Variants in ERBB4 observed in about 807,000 individuals in gnomAD.
ERBB4 encodes the protein erb-b2 receptor tyrosine kinase 4.
ERBB4 carries 42 observed loss-of-function variants against 158.0 expected under a neutral mutation model. The observed-to-expected ratio is 0.27, with a 90% CI of 0.21 to 0.34. ERBB4 has a LOEUF of 0.34. Ranked by LOEUF, ERBB4 falls within the 10% of genes least tolerant of loss-of-function variation. The pLI is 1.00. For synonymous variants in ERBB4, 583 were observed against 558.7 expected (o/e 1.04, Z -0.61); for missense variants, 1,333 against 1,624.1 (o/e 0.82, Z 3.08).
chr2:211,386,494 A>G (rs1157890160), intron 27 of ERBB4, among the ~76,000 whole-genome samples: 1 of 152,196 alleles, frequency 6.6e-6, no homozygotes, highest in African/African-American at 2.4e-5. Flanking sequence ...AATTAAGTCC[A>G]ATAAAGCTAT....
intron 3 of ERBB4, among the ~76,000 whole-genome samples, chr2:211,926,461 C>T (rs1559116049): frequency 6.6e-6 from 1 of 152,128 alleles, no homozygotes; most frequent in Non-Finnish European, 1.5e-5. Context: ...TGAATGGTAC[C>T]TGTGCCAAGG....
In ERBB4 at chr2:211,387,829, T is replaced by C; in HGVS notation, c.3183+116A>G. On this transcript the variant is annotated intron_variant, in intron 26 of 27. Coordinates refer to ENST00000342788, the MANE Select transcript of ERBB4 (RefSeq NM_005235.3). ...GGCAGCTACACGATGTACACCAAATTCTTAACTCACTGTTGGCAAAGGCAA... is the reference window on the plus strand; with the variant it reads ...GGCAGCTACACGATGTACACCAAATCCTTAACTCACTGTTGGCAAAGGCAA... The C allele has an allele frequency of 6.1e-6, 5 of 820,482 alleles. No homozygotes were observed. The Admixed American group carries it at 8.8e-5, about 14-fold the overall frequency. The allele number at this position is 820,482 out of a possible 1,614,324, so 50.8% of individuals were successfully genotyped here.
At chr2:212,263,730 C>T (rs562581591) in intron 1 of ERBB4, among the ~76,000 whole-genome samples, 122 of 151,860 alleles carry the variant, frequency 8.0e-4, no homozygotes, top group East Asian at 1.9e-3. Context: ...AAAAGAGTTC[C>T]GAAAACTATG....
At chr2:211,387,858 G>A in intron 26 of ERBB4, 87 bp downstream of exon 26, 1 of 1,054,870 alleles carries the variant, frequency 9.5e-7, no homozygotes, top group Non-Finnish European at 1.5e-6. Context: ...AAGGCAAAAT[G>A]AGGAAATTAT....
At position 212,140,698 on chromosome 2, in the gene ERBB4, G is replaced by T. The variant is rs138104716; in HGVS notation, c.83-15795C>A. Among the ~76,000 whole-genome samples the T allele has an allele frequency of 4.3e-3, 642 of 150,802 alleles. 1 individual carries two copies. The highest frequency in any genetic ancestry group is 6.6e-3 in the Non-Finnish European group (448 of 67,480). ...ATTTATTTTTGATGTAAACAGTTAAGAAACTTTATTTTAAAATATCTAAAA... is the reference window on the plus strand; with the variant it reads ...ATTTATTTTTGATGTAAACAGTTAATAAACTTTATTTTAAAATATCTAAAA... On this transcript the variant is annotated intron_variant, in intron 1 of 27. Coordinates refer to ENST00000342788, the MANE Select transcript of ERBB4 (RefSeq NM_005235.3).
At chr2:211,564,350 A>T (rs1192781780) in intron 19 of ERBB4, among the ~76,000 whole-genome samples, 1 of 152,212 alleles carries the variant, frequency 6.6e-6, no homozygotes, top group African/African-American at 2.4e-5. Context: ...CTTAGACTAC[A>T]CATCTCCTTC....
chr2:211,857,914 A>G (rs938327953), intron 3 of ERBB4, among the ~76,000 whole-genome samples: 3 of 152,212 alleles, frequency 2.0e-5, no homozygotes, highest in Non-Finnish European at 4.4e-5. Flanking sequence ...TCACAACAAT[A>G]AATCCTCTGT....
chr2:212,275,253 A>G (rs112587981), intron 1 of ERBB4, among the ~76,000 whole-genome samples: 17,003 of 151,912 alleles, frequency 0.11, 1,125 homozygotes, highest in South Asian at 0.2. Context: ...GTCTCTTTAT[A>G]GTAGCATGAT....
At chr2:212,521,313 A>G (rs1285774756) in intron 1 of ERBB4, among the ~76,000 whole-genome samples, 1 of 151,878 alleles carries the variant, frequency 6.6e-6, no homozygotes, top group African/African-American at 2.4e-5. Context: ...AAAACAGAAT[A>G]TGAAGAAAAA....
intron 2 of ERBB4, among the ~76,000 whole-genome samples, chr2:211,998,692 G>A (rs1329364443): frequency 2.6e-5 from 4 of 151,864 alleles, no homozygotes; most frequent in Admixed American, 1.3e-4. Flanking sequence ...TGCAACAAAT[G>A]TCAATGGCCA....
At chr2:211,903,095 C>G (rs1575348206) in intron 3 of ERBB4, among the ~76,000 whole-genome samples, 1 of 152,010 alleles carries the variant, frequency 6.6e-6, no homozygotes, top group East Asian at 1.9e-4. Context: ...ATTTAAGTAA[C>G]TTAAAATAAG....
At chr2:211,784,419 T>A (rs868025502) in intron 4 of ERBB4, among the ~76,000 whole-genome samples, 1 of 152,248 alleles carries the variant, frequency 6.6e-6, no homozygotes, top group Admixed American at 6.5e-5. Context: ...TGTTGTAGCA[T>A]GTGACCAGAT....
At chr2:212,454,685 T>C (rs1162367516) in intron 1 of ERBB4, among the ~76,000 whole-genome samples, 1 of 152,198 alleles carries the variant, frequency 6.6e-6, no homozygotes, top group Non-Finnish European at 1.5e-5. Flanking sequence ...ATCTATTAAA[T>C]TTATATTTCC....
intron 5 of ERBB4, among the ~76,000 whole-genome samples, chr2:211,733,654 C>T (rs1027092244): frequency 6.9e-6 from 1 of 144,932 alleles, no homozygotes; most frequent in African/African-American, 2.7e-5. Context: ...CCACATCTAA[C>T]CTGATAGAAA....
At chr2:211,751,418 C>T (rs925146432) in intron 4 of ERBB4, among the ~76,000 whole-genome samples, 9 of 152,050 alleles carry the variant, frequency 5.9e-5, no homozygotes, top group South Asian at 2.1e-4. Context: ...CATATAAAAA[C>T]GACTTCCTTT....
At chr2:212,086,332 T>C (rs1465641390) in intron 2 of ERBB4, among the ~76,000 whole-genome samples, 1 of 151,320 alleles carries the variant, frequency 6.6e-6, no homozygotes, top group East Asian at 1.9e-4. Context: ...GATTTAAATT[T>C]TTAAGGACCT....
At chr2:211,648,100 T>G (rs1276515162) in intron 16 of ERBB4, among the ~76,000 whole-genome samples, 3 of 151,896 alleles carry the variant, frequency 2.0e-5, no homozygotes, top group Non-Finnish European at 4.4e-5. Flanking sequence ...AGTATTATAT[T>G]TATTTGCCTA....
At chr2:211,566,179 C>T (rs2067540718) in intron 19 of ERBB4, among the ~76,000 whole-genome samples, 2 of 152,088 alleles carry the variant, frequency 1.3e-5, no homozygotes, top group South Asian at 4.2e-4. Flanking sequence ...AACATAGGGA[C>T]CAGAACTGGT....
intron 4 of ERBB4, among the ~76,000 whole-genome samples, chr2:211,769,016 T>C (rs2075626555): frequency 6.6e-6 from 1 of 152,240 alleles, no homozygotes; most frequent in African/African-American, 2.4e-5. Flanking sequence ...TCTTTGTGAA[T>C]GCATAAAACT....
Sources: allele counts gnomAD v4.1 joint callset (sites outside exome capture counted in the v4.1 genomes callset), GRCh38; gene constraint gnomAD v4.1.1; transcripts MANE v1.5; gene names NCBI Gene and HGNC (gene_info 2026-07-23, HGNC 2026-07-21).